SMG6: variants seen among roughly 807,000 people sequenced by gnomAD.
The protein encoded by SMG6 is telomerase-binding protein EST1A.
Under a neutral mutation model 142.2 loss-of-function variants are expected in SMG6, and 66 were observed. That is an observed-to-expected ratio of 0.46 (90% confidence interval 0.38 to 0.57). The LOEUF (loss-of-function observed/expected upper bound fraction) is 0.57, where lower values mean the gene tolerates loss of function less well. Ranked by LOEUF, SMG6 falls within the 20% of genes least tolerant of loss-of-function variation. The probability of loss-of-function intolerance (pLI) is 0.00; values close to 1 mark genes in which losing one functional copy is unlikely to be tolerated. For synonymous variants in SMG6, 779 were observed against 702.4 expected (o/e 1.11, Z -1.72); for missense variants, 1,793 against 1,832.0 (o/e 0.98, Z 0.39).
chr17:2,076,507 G>C (rs1417601271), intron 15 of SMG6, among the ~76,000 whole-genome samples: 1 of 152,150 alleles, frequency 6.6e-6, no homozygotes, highest in Non-Finnish European at 1.5e-5. Flanking sequence ...CGTGGTTCTG[G>C]GCAGGAAGCC....
intron 4 of SMG6, among the ~76,000 whole-genome samples, chr17:2,295,853 C>T (rs1446474794): frequency 6.6e-6 from 1 of 152,182 alleles, no homozygotes; most frequent in Non-Finnish European, 1.5e-5. Flanking sequence ...GCAGCCACTC[C>T]CCTGGACTAC....
chr17:2,296,445 T>C (rs539043017), intron 4 of SMG6, among the ~76,000 whole-genome samples: 1 of 152,230 alleles, frequency 6.6e-6, no homozygotes, highest in South Asian at 2.1e-4. Flanking sequence ...CAACACTCTA[T>C]ATCAGGGGTC....
intron 13 of SMG6, among the ~76,000 whole-genome samples, chr17:2,091,278 G>A (rs1445974612): frequency 6.6e-6 from 1 of 152,182 alleles, no homozygotes; most frequent in African/African-American, 2.4e-5. Context: ...ACATTCCTAG[G>A]GGGAGGGGCC....
At chr17:2,286,493 T>A (rs1446127614) in intron 6 of SMG6, among the ~76,000 whole-genome samples, 1 of 152,062 alleles carries the variant, frequency 6.6e-6, no homozygotes, top group Non-Finnish European at 1.5e-5. Context: ...CCAAGACCAT[T>A]CAATGAAGAA....
intron 10 of SMG6, among the ~76,000 whole-genome samples, chr17:2,219,278 C>T (rs1298300371): frequency 2.0e-5 from 3 of 151,910 alleles, no homozygotes; most frequent in South Asian, 2.1e-4. Context: ...CCAGCTACAT[C>T]GGAGGCTGAG....
At chr17:2,070,226 G>A (rs978242175) in intron 15 of SMG6, among the ~76,000 whole-genome samples, 8 of 152,144 alleles carry the variant, frequency 5.3e-5, no homozygotes, top group Non-Finnish European at 1.0e-4. Flanking sequence ...CTTCGAGACC[G>A]GCTCTGGGTA....
intron 13 of SMG6, among the ~76,000 whole-genome samples, chr17:2,149,833 C>T (rs549368652): frequency 3.9e-5 from 6 of 152,266 alleles, no homozygotes; most frequent in Non-Finnish European, 7.4e-5. Context: ...GGCAAAGCAC[C>T]AATTCCAACA....
In SMG6 at chr17:2,122,247, C is replaced by T. The variant is rs181961643; in HGVS notation, c.3358-36346G>A. 11 of 152,154 alleles carry T rather than the reference C, an allele frequency of 7.2e-5. No individual in the cohort carries two copies. In the East Asian group the frequency reaches 2.1e-3, roughly 29 times the overall value. The allele number at this position is 152,154 out of a possible 1,614,324, so 9.4% of individuals were successfully genotyped here. On this transcript the variant is annotated intron_variant, in intron 13 of 18. Transcript: ENST00000263073. ...AAATGAGAATCACAGCATGTAGGTA[C>T]TGGGTATAAGTGAGCTCACTGGAGA...
chr17:2,173,836 T>A (rs1316666088), intron 12 of SMG6, among the ~76,000 whole-genome samples: 1 of 143,072 alleles, frequency 7.0e-6, no homozygotes. Context: ...GTGCTGAGGA[T>A]CCATAAAGCT....
chr17:2,120,868 C>G (rs1696542272), intron 13 of SMG6, among the ~76,000 whole-genome samples: 1 of 152,096 alleles, frequency 6.6e-6, no homozygotes, highest in Admixed American at 6.6e-5. Flanking sequence ...CTAACAAAAT[C>G]ATCTTTGGAA....
At chr17:2,158,734 T>G (rs1439916164) in intron 13 of SMG6, among the ~76,000 whole-genome samples, 1 of 151,870 alleles carries the variant, frequency 6.6e-6, no homozygotes, top group African/African-American at 2.4e-5. Flanking sequence ...CTGGGCAACA[T>G]GGCGAAACCA....
In SMG6 at chr17:2,159,965, T is replaced by C. The variant is rs530661666; in HGVS notation, c.3357+12693A>G. On this transcript the variant is annotated intron_variant, in intron 13 of 18. Transcript: ENST00000263073. ...GAAATTTTATAACAGGCAAATCTAA[T>C]CTATAGTGAGAATAATTAGATCAGT... Among the ~76,000 whole-genome samples the C allele has an allele frequency of 1.1e-4, 16 of 152,272 alleles. No homozygotes were observed. In the South Asian group the frequency reaches 2.1e-3, roughly 20 times the overall value.
chr17:2,188,405 C>T lies in SMG6; in HGVS notation c.2980G>A (p.Ala994Thr), dbSNP rs767735649. The T allele has an allele frequency of 4.3e-6, 7 of 1,613,560 alleles. No homozygotes were observed. Among genetic ancestry groups the T allele is most frequent in the South Asian group, 1.1e-5 (1 of 91,060 alleles). The change falls in exon 11 of 19, where the codon GCC becomes ACC. Residue 994 changes from alanine to threonine, a missense_variant. Physicochemically the swap from Ala to Thr is moderately conservative, Grantham distance 58 (BLOSUM62 0). Around this residue, in one of 3 missense-constraint regions of SMG6, gnomAD observed 1,597 missense variants for 1,584.6 expected, o/e 1.01. Coordinates refer to ENST00000263073, the MANE Select transcript of SMG6 (RefSeq NM_017575.5). ...RRCTCLLKES[A>T]KAQLSSPEDQ... ...GGGGACTCCTCCTGCTTACCTTTGGCGGACTCCTTAAGTAAGCAGGTGCAG... is the reference window on the plus strand; with the variant it reads ...GGGGACTCCTCCTGCTTACCTTTGGTGGACTCCTTAAGTAAGCAGGTGCAG...
rs1567762784 is a variant in SMG6 at position 2,299,498 on chromosome 17, C to CA, written c.1254dup (p.Val419CysfsTer22). 1 of 1,614,040 alleles carries CA rather than the reference C, an allele frequency of 6.2e-7. No homozygotes were observed. Among genetic ancestry groups the CA allele is most frequent in the African/African-American group, 1.3e-5 (1 of 74,904 alleles). On this transcript the variant is annotated frameshift_variant, in exon 2 of 19. Coordinates refer to ENST00000263073, the MANE Select transcript of SMG6 (RefSeq NM_017575.5). LOFTEE classifies it high-confidence loss of function. This position sits in a 1 kb window ranked among gnomAD's most constrained non-coding sequence, Gnocchi z 4.3. ...GACTCTGGAGAACCTGCTGAATTGACAGATAGGGTGGTATGGGCAGGCAAA... is the reference window on the plus strand; with the variant it reads ...GACTCTGGAGAACCTGCTGAATTGACAAGATAGGGTGGTATGGGCAGGCAAA...
intron 13 of SMG6, among the ~76,000 whole-genome samples, chr17:2,161,775 G>C (rs1307324244): frequency 3.3e-5 from 5 of 152,000 alleles, no homozygotes; most frequent in Non-Finnish European, 5.9e-5. Context: ...ACTTTGAGGT[G>C]CTTTTGAATC....
At chr17:2,208,858 C>A (rs2151740949) in intron 10 of SMG6, among the ~76,000 whole-genome samples, 1 of 152,306 alleles carries the variant, frequency 6.6e-6, no homozygotes, top group South Asian at 2.1e-4. Context: ...TTATGGTACA[C>A]ACGTATCGTG....
chr17:2,214,383 C>G (rs182323955), intron 10 of SMG6: 2 of 151,194 alleles, frequency 1.3e-5, no homozygotes, highest in Non-Finnish European at 2.9e-5. Flanking sequence ...TCCAGGCTCC[C>G]GAAGAAGAAA....
intron 8 of SMG6, chr17:2,266,112 C>G (rs2074418218): frequency 2.0e-6 from 2 of 985,302 alleles, no homozygotes; most frequent in African/African-American, 3.5e-5. Context: ...GCGTGCCACT[C>G]AAAGTCTTTT....
intron 13 of SMG6, among the ~76,000 whole-genome samples, chr17:2,125,057 T>G (rs1426609700): frequency 6.6e-6 from 1 of 152,232 alleles, no homozygotes; most frequent in Non-Finnish European, 1.5e-5. Flanking sequence ...GGTCTCTTCT[T>G]CTATGGAAAT....
Sources: allele counts gnomAD v4.1 joint callset (sites outside exome capture counted in the v4.1 genomes callset), GRCh38; gene constraint gnomAD v4.1.1; regional missense constraint gnomAD v4.1.1; non-coding constraint Gnocchi (gnomAD v3.1); transcripts MANE v1.5; gene names NCBI Gene and HGNC (gene_info 2026-07-23, HGNC 2026-07-21).